Variants in XXYLT1 observed in about 807,000 individuals in gnomAD.
The protein encoded by XXYLT1 is xyloside xylosyltransferase 1, also known as UDP-xylose:alpha-xyloside alpha-1,3-xylosyltransferase.
Under a neutral mutation model 28.9 loss-of-function variants are expected in XXYLT1, and 20 were observed. The observed-to-expected ratio is 0.69, with a 90% CI of 0.49 to 1.00. XXYLT1 has a LOEUF of 1.00. Ranked by LOEUF, XXYLT1 falls within the 50% of genes least tolerant of loss-of-function variation. The pLI is 0.00. For synonymous variants in XXYLT1, 257 were observed against 253.8 expected, an observed-to-expected ratio of 1.01 and a Z score of -0.12; for missense variants, 542 against 560.1, an observed-to-expected ratio of 0.97 and a Z score of 0.33.
intron 3 of XXYLT1, among the ~76,000 whole-genome samples, chr3:195,083,053 G>A (rs899441862): frequency 6.6e-5 from 10 of 152,150 alleles, no homozygotes; most frequent in Admixed American, 2.0e-4. Flanking sequence ...CTGTGACAAC[G>A]CTCAACCCTC....
At chr3:195,082,131 G>A (rs762451986) in intron 3 of XXYLT1, among the ~76,000 whole-genome samples, 3 of 152,218 alleles carry the variant, frequency 2.0e-5, no homozygotes, top group East Asian at 3.8e-4. Context: ...AAAGCCTCAC[G>A]ATGGATCCAG....
chr3:195,248,337 C>A (rs1244199758), intron 1 of XXYLT1, among the ~76,000 whole-genome samples: 1 of 152,164 alleles, frequency 6.6e-6, no homozygotes, highest in Non-Finnish European at 1.5e-5. Flanking sequence ...GAATTCCCAC[C>A]TGCTGTGGGA....
chr3:195,176,497 C>T lies in XXYLT1; in HGVS notation c.653-19916G>A, dbSNP rs1157194100. 1.3e-5 allele frequency among the ~76,000 whole-genome samples: 2 copies of T among 152,188 alleles called. No individual in the cohort carries two copies. Among genetic ancestry groups the T allele is most frequent in the African/African-American group, 4.8e-5 (2 of 41,442 alleles). ...AAGCAGATCTTGAATATTCTGTCTT[C>T]GGTTTCAAACACAACAATCTTGCTT... On this transcript the variant is annotated intron_variant, in intron 2 of 3. Transcript: ENST00000310380. The surrounding 1 kb of genome is among the most constrained non-coding windows in gnomAD (Gnocchi z 4.9).
intron 1 of XXYLT1, among the ~76,000 whole-genome samples, chr3:195,228,153 A>G (rs1724136002): frequency 6.6e-6 from 1 of 152,206 alleles, no homozygotes; most frequent in Non-Finnish European, 1.5e-5. Context: ...CAAGCCTGCC[A>G]CACTGCATCC....
At chr3:195,231,126 T>C (rs1724281847) in intron 1 of XXYLT1, among the ~76,000 whole-genome samples, 1 of 152,156 alleles carries the variant, frequency 6.6e-6, no homozygotes, top group African/African-American at 2.4e-5. Context: ...ATTTTATTTG[T>C]AGCAATTATA....
Position 195,271,076 on chromosome 3 carries a change from C to G in XXYLT1, c.-18G>C. 7.6e-7 allele frequency: 1 copy of G among 1,318,930 alleles called. No individual in the cohort carries two copies. The allele number at this position is 1,318,930 out of a possible 1,614,324, so 81.7% of individuals were successfully genotyped here. On this transcript the variant is annotated 5_prime_UTR_variant, in exon 1 of 4. Coordinates refer to ENST00000310380, the MANE Select transcript of XXYLT1 (RefSeq NM_152531.5). ...AGGCCCATGCGCTACGAGACCGCGG[C>G]GCCAGCGGTGCCAGCAACGCGGGAG...
intron 3 of XXYLT1, among the ~76,000 whole-genome samples, chr3:195,151,562 T>C (rs1278916617): frequency 2.6e-5 from 4 of 151,682 alleles, no homozygotes; most frequent in Admixed American, 2.0e-4. Context: ...AATTTAAATT[T>C]CAATATACAA....
chr3:195,242,939 A>T lies in XXYLT1; in HGVS notation c.505-16083T>A, dbSNP rs149300350. On this transcript the variant is annotated intron_variant, in intron 1 of 3. Coordinates refer to ENST00000310380, the MANE Select transcript of XXYLT1 (RefSeq NM_152531.5). ...CCCTTCAAGACGCCTTTTCTGTTAG[A>T]AAAGAGATGGTTCGGCAACCCAAAT... Among the ~76,000 whole-genome samples, 1,381 of 152,310 alleles carry T rather than the reference A, an allele frequency of 9.1e-3. 14 individuals carry two copies. The highest frequency in any genetic ancestry group is 0.024 in the Middle Eastern group (7 of 292).
chr3:195,128,819 C>G (rs959411881), intron 3 of XXYLT1, among the ~76,000 whole-genome samples: 3 of 152,140 alleles, frequency 2.0e-5, no homozygotes, highest in African/African-American at 7.2e-5. Flanking sequence ...AAGGTGGAGA[C>G]TTTTATTTCT....
intron 3 of XXYLT1, among the ~76,000 whole-genome samples, chr3:195,087,692 A>G (rs1025597452): frequency 6.6e-6 from 1 of 152,226 alleles, no homozygotes; most frequent in African/African-American, 2.4e-5. Context: ...AAGATGGCCG[A>G]ATAGGAACAG....
intron 3 of XXYLT1, among the ~76,000 whole-genome samples, chr3:195,102,622 T>C (rs563438851): frequency 1.3e-5 from 2 of 152,342 alleles, no homozygotes; most frequent in African/African-American, 4.8e-5. Flanking sequence ...GCAAATGGTA[T>C]GACTCCTTCT....
chr3:195,099,387 C>G (rs1300511799), intron 3 of XXYLT1, among the ~76,000 whole-genome samples: 1 of 152,102 alleles, frequency 6.6e-6, no homozygotes, highest in Non-Finnish European at 1.5e-5. Context: ...CAGTGCCTCC[C>G]AAACCAGCAC....
rs751394851 is a variant in XXYLT1 at position 195,156,585 on chromosome 3, C to T, written c.653-4G>A. On this transcript the variant is annotated splice_region_variant and splice_polypyrimidine_tract_variant and intron_variant, in intron 2 of 3. Transcript: ENST00000310380. ...AGCTGAATGATCTGCAGGATCTCTG[C>T]GGGAAAGAGAAAAGGACAATGAGAC... 47 of 1,613,682 alleles carry T rather than the reference C, an allele frequency of 2.9e-5. No individual in the cohort carries two copies. Among genetic ancestry groups the T allele is most frequent in the East Asian group, 8.9e-5 (4 of 44,880 alleles).
chr3:195,244,551 C>T (rs1377188874), intron 1 of XXYLT1, among the ~76,000 whole-genome samples: 1 of 151,158 alleles, frequency 6.6e-6, no homozygotes, highest in African/African-American at 2.4e-5. Flanking sequence ...CACCTGAGGT[C>T]GGCTGTTCGA....
In XXYLT1 at chr3:195,231,483, T is replaced by A. The variant is rs939196032; in HGVS notation, c.505-4627A>T. On this transcript the variant is annotated intron_variant, in intron 1 of 3. Transcript: ENST00000310380. ...CAGATCTTAGAGGAAAGGCTTTCAG[T>A]TTTTCCCCATTCAGTATGATTATTT... Among the ~76,000 whole-genome samples the A allele has an allele frequency of 3.3e-5, 5 of 152,144 alleles. No individual in the cohort carries two copies. The East Asian group carries it at 9.6e-4, about 29-fold the overall frequency.
chr3:195,223,381 A>T (rs1723913152), intron 2 of XXYLT1, among the ~76,000 whole-genome samples: 2 of 152,216 alleles, frequency 1.3e-5, no homozygotes, highest in African/African-American at 4.8e-5. Context: ...GGAGGAACTC[A>T]GAGGAGCACA....
At chr3:195,163,313 C>G (rs1457412801) in intron 2 of XXYLT1, among the ~76,000 whole-genome samples, 1 of 152,224 alleles carries the variant, frequency 6.6e-6, no homozygotes, top group Non-Finnish European at 1.5e-5. Context: ...CACTCTCTCC[C>G]TCTTGAGTGG....
intron 3 of XXYLT1, among the ~76,000 whole-genome samples, chr3:195,132,759 C>T (rs1718966934): frequency 6.6e-6 from 1 of 152,138 alleles, no homozygotes; most frequent in South Asian, 2.1e-4. Context: ...AGCCAGCAGA[C>T]CGTAGTGAAG....
chr3:195,210,765 T>C lies in XXYLT1; in HGVS notation c.652+15944A>G, dbSNP rs535674144. 6.6e-6 allele frequency among the ~76,000 whole-genome samples: 1 copy of C among 152,334 alleles called. No individual in the cohort carries two copies. The highest frequency in any genetic ancestry group is 1.5e-5 in the Non-Finnish European group (1 of 68,030). ...CCATAAGAGCTGCCAGAAAATAGTT[T>C]TCACTGAAATCACTGGACACATGTT... On this transcript the variant is annotated intron_variant, in intron 2 of 3. Coordinates refer to ENST00000310380, the MANE Select transcript of XXYLT1 (RefSeq NM_152531.5). This position sits in a 1 kb window ranked among gnomAD's most constrained non-coding sequence, Gnocchi z 4.8.
Sources: gnomAD v4.1 joint callset for allele counts (sites outside exome capture counted in the v4.1 genomes callset) on GRCh38, gnomAD v4.1.1 for gene constraint, Gnocchi (gnomAD v3.1) non-coding constraint, MANE v1.5 for transcripts, NCBI Gene and HGNC (gene_info 2026-07-23, HGNC 2026-07-21) for gene names.